The following CARF variants were observed in gnomAD, a reference collection of about 807,000 sequenced individuals.
CARF encodes the protein calcium responsive transcription factor, also known as calcium-responsive transcription factor.
Under a neutral mutation model 82.0 loss-of-function variants are expected in CARF, and 57 were observed. The ratio of observed to expected loss-of-function variants is 0.70; its 90% CI spans 0.56 to 0.87. The LOEUF (loss-of-function observed/expected upper bound fraction) is 0.87. CARF is among the 40% of genes least tolerant of loss of function. CARF has a pLI of 0.00. For missense variants in CARF, 771 were observed against 855.8 expected, an observed-to-expected ratio of 0.90 and a Z score of 1.24; for synonymous variants, 268 against 290.1, an observed-to-expected ratio of 0.92 and a Z score of 0.77.
intron 2 of CARF, among the ~76,000 whole-genome samples, chr2:202,918,487 G>A (rs569233579): frequency 6.6e-6 from 1 of 151,914 alleles, no homozygotes; most frequent in Non-Finnish European, 1.5e-5. Flanking sequence ...TGCAGTGAGT[G>A]CCACTGCACT....
intron 12 of CARF, among the ~76,000 whole-genome samples, chr2:202,973,284 G>A (rs2059882211): frequency 6.6e-6 from 1 of 152,008 alleles, no homozygotes; most frequent in African/African-American, 2.4e-5. Context: ...GCAAAAATTT[G>A]GTAAAGCCAT....
At chr2:202,945,503 C>T (rs767903970) in intron 5 of CARF, among the ~76,000 whole-genome samples, 2 of 152,042 alleles carry the variant, frequency 1.3e-5, no homozygotes. Context: ...CTGTTGTTCC[C>T]TTCTTTGTGT....
At chr2:202,941,649 T>C (rs1272655886) in intron 3 of CARF, among the ~76,000 whole-genome samples, 1 of 152,214 alleles carries the variant, frequency 6.6e-6, no homozygotes, top group Non-Finnish European at 1.5e-5. Context: ...GAGGGAACTA[T>C]ATAACACTAA....
intron 1 of CARF, among the ~76,000 whole-genome samples, chr2:202,917,170 C>T (rs1247917195): frequency 1.6e-5 from 2 of 121,258 alleles, no homozygotes; most frequent in African/African-American, 6.1e-5. Flanking sequence ...GAGATCCCGC[C>T]ACTGCACTCC....
At chr2:202,915,404 G>A (rs528234550) in intron 1 of CARF, among the ~76,000 whole-genome samples, 1 of 152,188 alleles carries the variant, frequency 6.6e-6, no homozygotes, top group South Asian at 2.1e-4. Flanking sequence ...CAAGTGATCC[G>A]TGTTTCAGCC....
At chr2:202,943,663 T>C (rs1201312492) in intron 5 of CARF, among the ~76,000 whole-genome samples, 1 of 151,148 alleles carries the variant, frequency 6.6e-6, no homozygotes, top group African/African-American at 2.4e-5. Flanking sequence ...TTTTTTTTTT[T>C]CTGAGATGGA....
In CARF at chr2:202,964,303, G is replaced by A. The variant is rs189504851; in HGVS notation, c.833-2675G>A. On this transcript the variant is annotated intron_variant, in intron 9 of 16. Coordinates refer to ENST00000438828, the MANE Select transcript of CARF (RefSeq NM_024744.17). ...GTTTGTTTGTTTGTTTTTTTGAGTC[G>A]GGGTCTCACTCTGTCACCCAGGCTG... Among the ~76,000 whole-genome samples the A allele has an allele frequency of 1.8e-4, 27 of 151,234 alleles. No homozygotes were observed. The East Asian group carries it at 3.7e-3, about 21-fold the overall frequency.
intron 8 of CARF, among the ~76,000 whole-genome samples, chr2:202,960,165 A>G (rs2059241553): frequency 6.6e-6 from 1 of 152,230 alleles, no homozygotes; most frequent in Non-Finnish European, 1.5e-5. Flanking sequence ...TTTTAGATTT[A>G]AAAATTATGC....
intron 12 of CARF, among the ~76,000 whole-genome samples, chr2:202,972,581 G>A (rs2059836266): frequency 6.7e-6 from 1 of 148,762 alleles, no homozygotes; most frequent in Non-Finnish European, 1.5e-5. Flanking sequence ...GGAGGCTGAG[G>A]CAAGAGAATT....
In CARF at chr2:202,977,580, T is replaced by A. The variant is rs530064978; in HGVS notation, c.1558+248T>A. Among the ~76,000 whole-genome samples, 10 of 152,356 alleles carry A rather than the reference T, an allele frequency of 6.6e-5. No individual in the cohort carries two copies. The East Asian group carries it at 1.9e-3, about 29-fold the overall frequency. On this transcript the variant is annotated intron_variant, in intron 14 of 16. Transcript: ENST00000438828. Reference sequence around the variant, plus strand: ...AACTAGCACAGTTAACTGTAGCTAATTCACTAAGTCTGGCTAATTCCAGTA... The same window carrying A: ...AACTAGCACAGTTAACTGTAGCTAAATCACTAAGTCTGGCTAATTCCAGTA...
intron 3 of CARF, among the ~76,000 whole-genome samples, chr2:202,937,283 T>G (rs540717675): frequency 7.9e-5 from 12 of 152,292 alleles, no homozygotes; most frequent in African/African-American, 2.9e-4. Flanking sequence ...GCATTTTTTT[T>G]AGTTCTATAG....
chr2:202,960,712 G>C (rs531578215), intron 8 of CARF, among the ~76,000 whole-genome samples: 3 of 122,322 alleles, frequency 2.5e-5, no homozygotes, highest in African/African-American at 8.3e-5. Context: ...CCACCTTCCC[G>C]CCTTCCCGCC....
In CARF at chr2:202,954,026, G is replaced by A; in HGVS notation, c.449G>A (p.Ser150Asn). 1 of 1,608,154 alleles carries A rather than the reference G, an allele frequency of 6.2e-7. No individual in the cohort carries two copies. Among genetic ancestry groups the A allele is most frequent in the Non-Finnish European group, 8.5e-7 (1 of 1,177,944 alleles). ...TAAGATGTCCCTGAAGAGAAACCCA[G>A]TAACAGAAACTTACCAACTGTAAGA... The part of the protein sequence containing the change: ...SPRDVPEEKP[S>N]NRNLPTVRVD... Residue 150 changes from serine (S) to asparagine (N), a missense_variant, in exon 7 of 17, where the codon AGT (serine) becomes AAT (asparagine). Physicochemically the swap from Ser to Asn is conservative, Grantham distance 46. Transcript: ENST00000438828.
rs2058144103 is a variant in CARF, at chr2:202,939,876, G to C, written c.-43-1984G>C. On this transcript the variant is annotated intron_variant, in intron 3 of 16. Transcript: ENST00000438828. ...GCTGATTGTTAAATTTTTTTGTAGA[G>C]ACAGGATCTCATTATGTTGCCCAGG... Among the ~76,000 whole-genome samples the C allele has an allele frequency of 7.3e-5, 11 of 151,582 alleles. No homozygotes were observed. In the South Asian group the frequency reaches 2.3e-3, roughly 32 times the overall value.
rs2060447072 is a variant in CARF, at chr2:202,986,877, T to TAC, written c.*3254_*3255insCA. ...TAAAAAATGTCTGTGCGTATATATA[T>TAC]ATATATATATATATATATATATATA... On this transcript the variant is annotated 3_prime_UTR_variant, in exon 17 of 17. Coordinates refer to ENST00000438828, the MANE Select transcript of CARF (RefSeq NM_024744.17). 5.3e-5 allele frequency: 6 copies of TAC among 112,308 alleles called. No individual in the cohort carries two copies. The highest frequency in any genetic ancestry group is 6.2e-4 in the South Asian group (2 of 3,244). 7.0% of individuals were successfully genotyped at this position (112,308 alleles called of 1,614,324 possible). A position where few individuals can be genotyped will look rare whatever the true frequency, so the allele number is the denominator to read the frequency against.
chr2:202,928,382 A>G (rs1355785894), intron 3 of CARF, among the ~76,000 whole-genome samples: 1 of 152,124 alleles, frequency 6.6e-6, no homozygotes, highest in African/African-American at 2.4e-5. Flanking sequence ...GTTTACGGAC[A>G]CTTAGGTTGA....
intron 5 of CARF, among the ~76,000 whole-genome samples, chr2:202,944,542 A>G (rs1239875618): frequency 6.6e-6 from 1 of 152,204 alleles, no homozygotes; most frequent in Non-Finnish European, 1.5e-5. Context: ...TGAGTTTTCT[A>G]AATTCTAGGG....
chr2:202,935,294 T>C (rs1693739742), intron 3 of CARF, among the ~76,000 whole-genome samples: 1 of 128,972 alleles, frequency 7.8e-6, no homozygotes, highest in Non-Finnish European at 1.6e-5. Flanking sequence ...TCTACTTATA[T>C]ATATTATATT....
chr2:202,952,439 G>A (rs1182944411), intron 5 of CARF, 120 bp from the exon 6 acceptor site: 14 of 933,432 alleles, frequency 1.5e-5, no homozygotes, highest in Non-Finnish European at 2.0e-5. Context: ...CTATAAAATG[G>A]GGGAAATCAT....
Sources: gnomAD v4.1 joint callset for allele counts (sites outside exome capture counted in the v4.1 genomes callset) on GRCh38, gnomAD v4.1.1 for gene constraint, MANE v1.5 for transcripts, NCBI Gene and HGNC (gene_info 2026-07-23, HGNC 2026-07-21) for gene names.